The following LARP1B variants were observed in gnomAD, a reference collection of about 807,000 sequenced individuals.
LARP1B encodes La ribonucleoprotein 1B, also known as la-related protein 1B.
LARP1B carries 76 observed loss-of-function variants against 114.2 expected under a neutral mutation model. The observed-to-expected ratio is 0.67, with a 90% CI of 0.55 to 0.81. LARP1B has a LOEUF of 0.81. LARP1B is among the 30% of genes least tolerant of loss of function. The probability of loss-of-function intolerance (pLI) is 0.00; values close to 1 mark genes in which losing one functional copy is unlikely to be tolerated. For synonymous variants in LARP1B, 345 were observed against 348.0 expected, an observed-to-expected ratio of 0.99 and a Z score of 0.10; for missense variants, 1,014 against 1,075.8, an observed-to-expected ratio of 0.94 and a Z score of 0.80.
chr4:128,103,501 G>A (rs1780992744), intron 8 of LARP1B, among the ~76,000 whole-genome samples: 1 of 149,294 alleles, frequency 6.7e-6, no homozygotes, highest in African/African-American at 2.5e-5. Flanking sequence ...GAGATAGTTT[G>A]TTTATGTAAG....
At chr4:128,188,786 T>C (rs1751223147) in intron 15 of LARP1B, among the ~76,000 whole-genome samples, 1 of 152,246 alleles carries the variant, frequency 6.6e-6, no homozygotes, top group South Asian at 2.1e-4. Flanking sequence ...TTGTTTAATT[T>C]CCACGTTTGT....
At chr4:128,063,427 CA>C (rs763868048) in intron 1 of LARP1B, among the ~76,000 whole-genome samples, 742 of 13,184 alleles carry the variant, frequency 0.056, no homozygotes, top group Non-Finnish European at 0.062. Context: ...GACCCACTCT[CA>C]AAAAAAAAAA....
At chr4:128,061,982 G>A (rs1055618762) in intron 1 of LARP1B, 9 of 985,060 alleles carry the variant, frequency 9.1e-6, no homozygotes, top group Non-Finnish European at 9.6e-6. Context: ...GCGTGGGCCC[G>A]GGGGCCCTTT....
chr4:128,145,469 G>T (rs1450095954), intron 11 of LARP1B, among the ~76,000 whole-genome samples: 1 of 152,110 alleles, frequency 6.6e-6, no homozygotes, highest in Non-Finnish European at 1.5e-5. Context: ...TCACTTTGGG[G>T]TATGTCTTAG....
chr4:128,179,417 G>T lies in LARP1B; in HGVS notation c.1908G>T (p.Lys636Asn). ...TTTATTTTCTTTAGAGTCCAAGAAA[G>T]AGAAAAACAAGGCATAGCACAAATC... Reference protein sequence around the residue: ...PKAIDVKSPRKRKTRHSTNPP... With the variant: ...PKAIDVKSPRNRKTRHSTNPP... Residue 636 changes from lysine to asparagine, a missense_variant, in exon 15 of 20, where the codon AAG (lysine) becomes AAT (asparagine). Physicochemically the swap from Lys to Asn is moderately conservative, Grantham distance 94. Transcript: ENST00000326639. 1 of 1,603,558 alleles carries T rather than the reference G, an allele frequency of 6.2e-7. No individual in the cohort carries two copies. Among genetic ancestry groups the T allele is most frequent in the African/African-American group, 1.3e-5 (1 of 74,604 alleles).
At chr4:128,080,718 A>G (rs1769995441) in intron 4 of LARP1B, among the ~76,000 whole-genome samples, 2 of 152,218 alleles carry the variant, frequency 1.3e-5, no homozygotes, top group African/African-American at 4.8e-5. Flanking sequence ...ATAAATAATT[A>G]GTTACATTGT....
At chr4:128,195,291 G>A (rs918565358) in intron 15 of LARP1B, among the ~76,000 whole-genome samples, 6 of 152,062 alleles carry the variant, frequency 3.9e-5, no homozygotes, top group African/African-American at 1.2e-4. Context: ...CTAAGTATTC[G>A]ATATTAATTT....
chr4:128,154,234 T>C (rs1734339629), intron 11 of LARP1B, among the ~76,000 whole-genome samples: 1 of 152,234 alleles, frequency 6.6e-6, no homozygotes, highest in Non-Finnish European at 1.5e-5. Flanking sequence ...TACTTTGCTC[T>C]GTGTTAGCTT....
chr4:128,083,694 C>T (rs534373531), intron 5 of LARP1B, among the ~76,000 whole-genome samples: 26 of 141,842 alleles, frequency 1.8e-4, no homozygotes, highest in African/African-American at 5.8e-4. Context: ...ACCTCCCTCC[C>T]GGACAGGGTG....
At chr4:128,124,276 A>G (rs1460430258) in intron 11 of LARP1B, among the ~76,000 whole-genome samples, 1 of 152,198 alleles carries the variant, frequency 6.6e-6, no homozygotes, top group Non-Finnish European at 1.5e-5. Flanking sequence ...TCTAAAAGAA[A>G]AAAACAGGAT....
At chr4:128,173,610 C>T (rs1382111114) in intron 12 of LARP1B, among the ~76,000 whole-genome samples, 1 of 152,024 alleles carries the variant, frequency 6.6e-6, no homozygotes, top group Non-Finnish European at 1.5e-5. Flanking sequence ...TTAGCACACC[C>T]CTTCAGTGGT....
intron 12 of LARP1B, among the ~76,000 whole-genome samples, chr4:128,173,685 A>G (rs1027754665): frequency 3.3e-5 from 5 of 152,240 alleles, no homozygotes; most frequent in African/African-American, 1.2e-4. Context: ...AGGACTCTGT[A>G]TCAACTTTCT....
chr4:128,181,345 T>C (rs913760574), intron 15 of LARP1B, among the ~76,000 whole-genome samples: 3 of 151,660 alleles, frequency 2.0e-5, no homozygotes, highest in Non-Finnish European at 4.4e-5. Context: ...ACCCAGCTAA[T>C]TTTTGTATTT....
At position 128,200,248 on chromosome 4, in the gene LARP1B, G is replaced by A. The variant is rs374262026; in HGVS notation, c.2165-273G>A. Among the ~76,000 whole-genome samples, 83 of 152,212 alleles carry A rather than the reference G, an allele frequency of 5.5e-4. 1 individual carries two copies. Among genetic ancestry groups the A allele is most frequent in the African/African-American group, 1.9e-3 (80 of 41,548 alleles). ...GTTTCATGGAAGACAATTTTTCCAT[G>A]GGGGATGGTTTTGGATAAAACTGTT... is the stretch of plus-strand genomic sequence containing the variant. On this transcript the variant is annotated intron_variant, in intron 16 of 19. Transcript: ENST00000326639.
chr4:128,091,200 A>G, intron 6 of LARP1B, 56 bp downstream of exon 6: 1 of 1,582,940 alleles, frequency 6.3e-7, no homozygotes, highest in Admixed American at 1.8e-5. Context: ...AAATAGAGCA[A>G]CTATCCTCTA....
At chr4:128,109,658 T>A (rs991404342) in intron 9 of LARP1B, among the ~76,000 whole-genome samples, 4 of 152,106 alleles carry the variant, frequency 2.6e-5, no homozygotes, top group African/African-American at 4.8e-5. Context: ...TTTCTTTTTT[T>A]AAATTTTAAT....
intron 15 of LARP1B, among the ~76,000 whole-genome samples, chr4:128,197,038 A>T (rs1025019716): frequency 6.6e-6 from 1 of 152,178 alleles, no homozygotes; most frequent in African/African-American, 2.4e-5. Flanking sequence ...CTAGGGCTGT[A>T]GGGAGGGGTA....
intron 12 of LARP1B, among the ~76,000 whole-genome samples, chr4:128,169,683 C>CTGGA (rs1345916867): frequency 6.6e-6 from 1 of 152,074 alleles, no homozygotes; most frequent in Non-Finnish European, 1.5e-5. Context: ...GTCGCCCAGG[C>CTGGA]TGGAGTGCAG....
At chr4:128,136,621 C>T (rs138125548) in intron 11 of LARP1B, among the ~76,000 whole-genome samples, 139 of 152,222 alleles carry the variant, frequency 9.1e-4, no homozygotes, top group Middle Eastern at 6.8e-3. Context: ...ATTTCAGAAA[C>T]GTTTTGCCTA....
Sources: gnomAD v4.1 joint callset for allele counts (sites outside exome capture counted in the v4.1 genomes callset) on GRCh38, gnomAD v4.1.1 for gene constraint, MANE v1.5 for transcripts, NCBI Gene and HGNC (gene_info 2026-07-23, HGNC 2026-07-21) for gene names.